Variants in HSD17B12 observed in about 807,000 individuals in gnomAD.
The protein encoded by HSD17B12 is very-long-chain 3-oxoacyl-CoA reductase.
A neutral mutation model predicts 39.3 loss-of-function variants in HSD17B12; 32 were observed. That is an observed-to-expected ratio of 0.81 (90% confidence interval 0.61 to 1.09). HSD17B12 has a LOEUF of 1.09. Among genes scored for constraint, HSD17B12 ranks in the 50% least tolerant of loss-of-function variants. The pLI is 0.00. For synonymous variants in HSD17B12, 150 were observed against 146.7 expected, an observed-to-expected ratio of 1.02 and a Z score of -0.16; for missense variants, 342 against 382.9, an observed-to-expected ratio of 0.89 and a Z score of 0.89.
At chr11:43,718,646 A>G in intron 1 of HSD17B12, 1 of 687,858 alleles carries the variant, frequency 1.5e-6, no homozygotes, top group Non-Finnish European at 2.5e-6. Context: ...CCATGTATCA[A>G]AAATATACCT....
At chr11:43,556,849 T>A in the HSD17B12 span, 1 of 150,894 alleles carries the variant, frequency 6.6e-6, no homozygotes, top group Non-Finnish European at 1.5e-5. Flanking sequence ...TATATTACCC[T>A]CATTCCCTCA....
the HSD17B12 span, among the ~76,000 whole-genome samples, chr11:43,567,185 G>T: frequency 6.6e-6 from 1 of 152,124 alleles, no homozygotes; most frequent in Non-Finnish European, 1.5e-5. Context: ...TTTATAATAA[G>T]GTCCTTTAAT....
chr11:43,623,227 T>G, the HSD17B12 span, among the ~76,000 whole-genome samples: 5 of 152,130 alleles, frequency 3.3e-5, no homozygotes, highest in African/African-American at 1.2e-4. Flanking sequence ...TGACTTAAAA[T>G]GCAGGATTCC....
the HSD17B12 span, among the ~76,000 whole-genome samples, chr11:43,643,381 C>T: frequency 2.0e-5 from 3 of 151,958 alleles, no homozygotes; most frequent in Non-Finnish European, 4.4e-5. Context: ...ATGAGAAAAA[C>T]CTTGAAGGAG....
At chr11:43,799,034 A>G (rs1950941116) in intron 4 of HSD17B12, among the ~76,000 whole-genome samples, 1 of 152,138 alleles carries the variant, frequency 6.6e-6, no homozygotes, top group African/African-American at 2.4e-5. Context: ...TTATATTGTA[A>G]TAATCCTTTA....
At chr11:43,574,139 T>C in the HSD17B12 span, among the ~76,000 whole-genome samples, 1 of 152,330 alleles carries the variant, frequency 6.6e-6, no homozygotes, top group Non-Finnish European at 1.5e-5. Context: ...TAGGCACAGC[T>C]AAAGCCACAG....
At chr11:43,646,966 T>C in the HSD17B12 span, among the ~76,000 whole-genome samples, 1 of 152,240 alleles carries the variant, frequency 6.6e-6, no homozygotes, top group Non-Finnish European at 1.5e-5. Context: ...AGGTGTCTTT[T>C]TGAAACCCAG....
chr11:43,662,938 AAGAAT>A, the HSD17B12 span, among the ~76,000 whole-genome samples: 2 of 152,250 alleles, frequency 1.3e-5, no homozygotes, highest in Non-Finnish European at 2.9e-5. Flanking sequence ...ATTAAACAGA[AAGAAT>A]AGATTAATTC....
chr11:43,598,414 T>C, the HSD17B12 span, among the ~76,000 whole-genome samples: 2 of 152,058 alleles, frequency 1.3e-5, no homozygotes, highest in Non-Finnish European at 1.5e-5. Flanking sequence ...TATTTTTTTT[T>C]CCTGCCAAAC....
At chr11:43,562,393 A>T in the HSD17B12 span, among the ~76,000 whole-genome samples, 2 of 152,226 alleles carry the variant, frequency 1.3e-5, no homozygotes, top group Non-Finnish European at 2.9e-5. Context: ...GTGGTTGGTT[A>T]TGTGACTTTT....
rs1299533486 is a variant in HSD17B12, at chr11:43,788,709, A to AC, written c.284-9611_284-9610insC. ...TCAAAAAAAAAAAAAAAAAAAAAAA[A>AC]GAAGTGTGATCTTGTAACTTCCCAG... is the stretch of plus-strand genomic sequence containing the variant. On this transcript the variant is annotated intron_variant, in intron 3 of 10. Coordinates refer to ENST00000278353, the MANE Select transcript of HSD17B12 (RefSeq NM_016142.3). 7.1e-4 allele frequency among the ~76,000 whole-genome samples: 95 copies of AC among 133,066 alleles called. 1 individual carries two copies. Among genetic ancestry groups the AC allele is most frequent in the African/African-American group, 2.6e-3 (91 of 35,392 alleles). 87.3% of individuals were successfully genotyped at this position (133,066 alleles called of 152,430 possible).
intron 1 of HSD17B12, among the ~76,000 whole-genome samples, chr11:43,717,081 G>T (rs754001277): frequency 6.6e-6 from 1 of 151,984 alleles, no homozygotes; most frequent in Non-Finnish European, 1.5e-5. Context: ...TCCAAGTAAC[G>T]ATTTCAAGGA....
chr11:43,695,514 G>T (rs1288303740), intron 1 of HSD17B12, among the ~76,000 whole-genome samples: 5 of 152,130 alleles, frequency 3.3e-5, no homozygotes, highest in Non-Finnish European at 5.9e-5. Flanking sequence ...GGAGGCAGAG[G>T]TTGCAATGAA....
the HSD17B12 span, among the ~76,000 whole-genome samples, chr11:43,599,114 C>G: frequency 6.6e-6 from 1 of 152,170 alleles, no homozygotes; most frequent in Non-Finnish European, 1.5e-5. Context: ...AACGATCTAT[C>G]CATCTATCCA....
chr11:43,560,816 C>T, the HSD17B12 span, among the ~76,000 whole-genome samples: 38 of 152,308 alleles, frequency 2.5e-4, no homozygotes, highest in South Asian at 4.8e-3. Context: ...ACAAGTTGCA[C>T]GCTCCTGAAG....
At chr11:43,628,923 T>G in the HSD17B12 span, among the ~76,000 whole-genome samples, 1 of 152,156 alleles carries the variant, frequency 6.6e-6, no homozygotes, top group African/African-American at 2.4e-5. Flanking sequence ...TTATGGGCTA[T>G]ATGATATGAG....
chr11:43,688,973 A>G (rs754361711), intron 1 of HSD17B12, among the ~76,000 whole-genome samples: 14 of 152,324 alleles, frequency 9.2e-5, no homozygotes, highest in Non-Finnish European at 1.8e-4. Flanking sequence ...ATTGGATGAA[A>G]AGGGATTGTT....
chr11:43,687,233 T>C (rs1170468851), intron 1 of HSD17B12, among the ~76,000 whole-genome samples: 1 of 152,204 alleles, frequency 6.6e-6, no homozygotes, highest in Non-Finnish European at 1.5e-5. Flanking sequence ...TCATCTGGGA[T>C]GGATTGAGAT....
At chr11:43,822,536 A>G (rs560797258) in intron 6 of HSD17B12, among the ~76,000 whole-genome samples, 2 of 151,862 alleles carry the variant, frequency 1.3e-5, no homozygotes, top group East Asian at 1.9e-4. Context: ...CCTGTGTCCA[A>G]GTGTTGTCAT....
Sources: gnomAD v4.1 joint callset for allele counts (sites outside exome capture counted in the v4.1 genomes callset) on GRCh38, gnomAD v4.1.1 for gene constraint, MANE v1.5 for transcripts, NCBI Gene and HGNC (gene_info 2026-07-23, HGNC 2026-07-21) for gene names.